The following DRD3 variants were observed in gnomAD, a reference collection of about 807,000 sequenced individuals.
DRD3 encodes dopamine receptor D3, also known as D(3) dopamine receptor.
Under a neutral mutation model 36.3 loss-of-function variants are expected in DRD3, and 19 were observed. The ratio of observed to expected loss-of-function variants is 0.52; its 90% CI spans 0.36 to 0.77. The LOEUF is 0.77. Ranked by LOEUF, DRD3 falls within the 30% of genes least tolerant of loss-of-function variation. DRD3 has a pLI of 0.00. For synonymous variants in DRD3, 195 were observed against 203.7 expected, an observed-to-expected ratio of 0.96 and a Z score of 0.36; for missense variants, 465 against 505.3, an observed-to-expected ratio of 0.92 and a Z score of 0.77.
At chr3:114,156,944 TCTTC>T (rs1306073565) in intron 3 of DRD3, among the ~76,000 whole-genome samples, 2 of 148,904 alleles carry the variant, frequency 1.3e-5, no homozygotes, top group African/African-American at 2.5e-5. Context: ...TTTCTTTCTT[TCTTC>T]CTTTCTTCTT....
chr3:114,185,800 T>C (rs1212560022), intron 1 of DRD3, among the ~76,000 whole-genome samples: 1 of 152,126 alleles, frequency 6.6e-6, no homozygotes, highest in Non-Finnish European at 1.5e-5. Context: ...CTCAGCCTCC[T>C]GGGTAGCTAG....
chr3:114,187,709 T>C (rs1249218180), intron 1 of DRD3, among the ~76,000 whole-genome samples: 1 of 152,210 alleles, frequency 6.6e-6, no homozygotes, highest in Non-Finnish European at 1.5e-5. Flanking sequence ...AAACTCAGCT[T>C]TATTGGAATG....
intron 2 of DRD3, among the ~76,000 whole-genome samples, chr3:114,170,437 T>A (rs186312032): frequency 6.6e-6 from 1 of 152,176 alleles, no homozygotes; most frequent in African/African-American, 2.4e-5. Flanking sequence ...CTAATTGGGT[T>A]GACAGAAAAA....
intron 1 of DRD3, among the ~76,000 whole-genome samples, chr3:114,175,734 G>A (rs553813495): frequency 2.0e-5 from 3 of 152,278 alleles, no homozygotes; most frequent in Admixed American, 6.5e-5. Context: ...GTTTCCCTTT[G>A]TATAATTAGC....
chr3:114,192,365 G>T (rs2107906001), intron 1 of DRD3, among the ~76,000 whole-genome samples: 1 of 152,270 alleles, frequency 6.6e-6, no homozygotes, highest in African/African-American at 2.4e-5. Context: ...ATAAGGGGTT[G>T]GTTTCCTGGG....
intron 2 of DRD3, among the ~76,000 whole-genome samples, chr3:114,166,495 T>C (rs538947425): frequency 2.0e-5 from 3 of 152,186 alleles, no homozygotes; most frequent in African/African-American, 7.2e-5. Flanking sequence ...GACAAGTTCA[T>C]TCCCCTTTTG....
At chr3:114,158,103 A>AAAAAAAG (rs1415563864) in intron 3 of DRD3, among the ~76,000 whole-genome samples, 1 of 152,002 alleles carries the variant, frequency 6.6e-6, no homozygotes, top group Non-Finnish European at 1.5e-5. Context: ...ACTCCATCTC[A>AAAAAAAG]AAAAAAGAAA....
intron 6 of DRD3, among the ~76,000 whole-genome samples, chr3:114,130,426 A>T (rs1027506343): frequency 8.0e-5 from 11 of 137,100 alleles, no homozygotes; most frequent in Admixed American, 2.3e-4. Flanking sequence ...AATAATCTAG[A>T]TTTTTTTTTT....
At chr3:114,184,611 T>A (rs2077965181) in intron 1 of DRD3, among the ~76,000 whole-genome samples, 1 of 124,600 alleles carries the variant, frequency 8.0e-6, no homozygotes, top group African/African-American at 2.6e-5. Context: ...AGTCTAGTGG[T>A]AATGTGGTAA....
intron 1 of DRD3, among the ~76,000 whole-genome samples, chr3:114,193,514 G>C (rs2078022691): frequency 6.6e-6 from 1 of 152,174 alleles, no homozygotes; most frequent in South Asian, 2.1e-4. Flanking sequence ...CTGCTTCTCA[G>C]AGCAGTTCCT....
At chr3:114,161,367 T>C (rs1340645775) in intron 2 of DRD3, among the ~76,000 whole-genome samples, 3 of 152,234 alleles carry the variant, frequency 2.0e-5, no homozygotes, top group Non-Finnish European at 4.4e-5. Flanking sequence ...CCAAGGATCT[T>C]CTTATATGAC....
At chr3:114,162,236 G>T (rs1175990509) in intron 2 of DRD3, among the ~76,000 whole-genome samples, 2 of 152,178 alleles carry the variant, frequency 1.3e-5, no homozygotes, top group African/African-American at 4.8e-5. Flanking sequence ...CATTTATTGA[G>T]AATTCACTGT....
chr3:114,175,078 G>A (rs553165994), intron 1 of DRD3, among the ~76,000 whole-genome samples: 4 of 152,118 alleles, frequency 2.6e-5, no homozygotes, highest in African/African-American at 9.6e-5. Flanking sequence ...TGTGCATTGT[G>A]GGGGGTTTAA....
At chr3:114,176,904 G>A (rs994074344) in intron 1 of DRD3, among the ~76,000 whole-genome samples, 1 of 152,142 alleles carries the variant, frequency 6.6e-6, no homozygotes, top group African/African-American at 2.4e-5. Flanking sequence ...AAGAAGGTAA[G>A]CACTATTATC....
At chr3:114,136,972 G>A (rs887766840) in intron 5 of DRD3, among the ~76,000 whole-genome samples, 1 of 152,160 alleles carries the variant, frequency 6.6e-6, no homozygotes, top group Non-Finnish European at 1.5e-5. Context: ...AATGCAGGTG[G>A]CCTTGGATGG....
Position 114,131,124 on chromosome 3 carries a change from C to T in DRD3, c.1000G>A (p.Val334Met), listed in dbSNP as rs201888918. Reference sequence around the variant, plus strand: ...CAAGCCAACCCAAACTTACCAAGCACAATGGCCACCATTTGGGTTGCCTTC... The same window carrying T: ...CAAGCCAACCCAAACTTACCAAGCATAATGGCCACCATTTGGGTTGCCTTC... Reference protein sequence around the residue: ...EKKATQMVAIVLGAFIVCWLP... With the variant: ...EKKATQMVAIMLGAFIVCWLP... Residue 334 changes from valine (V) to methionine (M), a missense_variant, in exon 6 of 7, where the codon GTG (valine) becomes ATG (methionine). Coordinates refer to ENST00000383673, the MANE Select transcript of DRD3 (RefSeq NM_000796.6). 6.2e-7 allele frequency: 1 copy of T among 1,613,300 alleles called. No homozygotes were observed.
chr3:114,176,691 T>A (rs1311293174), intron 1 of DRD3, among the ~76,000 whole-genome samples: 3 of 152,138 alleles, frequency 2.0e-5, no homozygotes, highest in African/African-American at 4.8e-5. Flanking sequence ...GTAACAGGGT[T>A]CCATGACCAC....
chr3:114,191,548 T>C (rs2078010819), intron 1 of DRD3, among the ~76,000 whole-genome samples: 1 of 152,186 alleles, frequency 6.6e-6, no homozygotes, highest in African/African-American at 2.4e-5. Flanking sequence ...ATGGAAGCCC[T>C]TTGAAGGTTT....
intron 4 of DRD3, 50 bp downstream of exon 4, chr3:114,147,365 A>G (rs1003895881): frequency 1.9e-6 from 3 of 1,589,992 alleles, no homozygotes; most frequent in Non-Finnish European, 2.6e-6. Context: ...CCAGTCATTC[A>G]GCTGTGCTGT....
Sources: gnomAD v4.1 joint callset for allele counts (sites outside exome capture counted in the v4.1 genomes callset) on GRCh38, gnomAD v4.1.1 for gene constraint, MANE v1.5 for transcripts, NCBI Gene and HGNC (gene_info 2026-07-23, HGNC 2026-07-21) for gene names.